The following ME1 variants were observed in gnomAD, a reference collection of about 807,000 sequenced individuals.
ME1 encodes malic enzyme 1, also known as NADP-dependent malic enzyme.
ME1 carries 74 observed loss-of-function variants against 66.4 expected under a neutral mutation model. The ratio of observed to expected loss-of-function variants is 1.11; its 90% CI spans 0.92 to 1.35. The LOEUF (loss-of-function observed/expected upper bound fraction) is 1.35. Among genes scored for constraint, ME1 ranks in the 40% most tolerant of loss-of-function variants. ME1 has a pLI of 0.00. For missense variants in ME1, 750 were observed against 694.1 expected, an observed-to-expected ratio of 1.08 and a Z score of -0.90; for synonymous variants, 251 against 235.6, an observed-to-expected ratio of 1.07 and a Z score of -0.60.
intron 1 of ME1, among the ~76,000 whole-genome samples, chr6:83,424,289 T>G (rs944280580): frequency 1.3e-5 from 2 of 152,162 alleles, no homozygotes; most frequent in African/African-American, 2.4e-5. Context: ...TTAAGTTGAC[T>G]GTGAAAAGTT....
chr6:83,229,918 G>A (rs1435750196), intron 9 of ME1, among the ~76,000 whole-genome samples: 1 of 152,080 alleles, frequency 6.6e-6, no homozygotes, highest in Non-Finnish European at 1.5e-5. Context: ...GAACTCCTGG[G>A]GTCAAGGGAT....
At chr6:83,305,611 G>C (rs1256869572) in intron 6 of ME1, among the ~76,000 whole-genome samples, 2 of 152,142 alleles carry the variant, frequency 1.3e-5, no homozygotes, top group African/African-American at 2.4e-5. Context: ...GAGAATGTGG[G>C]TGCAGGAGAG....
At position 83,315,408 on chromosome 6, in the gene ME1, T is replaced by A; in HGVS notation, c.606A>T (p.Leu202Phe). 1 of 1,551,896 alleles carries A rather than the reference T, an allele frequency of 6.4e-7. No homozygotes were observed. The highest frequency in any genetic ancestry group is 8.8e-7 in the Non-Finnish European group (1 of 1,136,278). The stretch of plus-strand genomic sequence containing the variant: ...GTCCAATGTAGAGTGGATCTTTAAG[T>A]AACTCCTATTAAAAAAAGTTACCAT... Reference protein sequence around the residue: ...ILDVGTENEELLKDPLYIGLR... With the variant: ...ILDVGTENEEFLKDPLYIGLR... Residue 202 changes from leucine (L) to phenylalanine (F), a missense_variant, in exon 6 of 14, where the codon TTA (leucine) becomes TTT (phenylalanine). Transcript: ENST00000369705.
At chr6:83,384,033 A>G (rs1293590961) in intron 3 of ME1, among the ~76,000 whole-genome samples, 1 of 151,816 alleles carries the variant, frequency 6.6e-6, no homozygotes, top group Non-Finnish European at 1.5e-5. Flanking sequence ...GTAGTATTCT[A>G]TGTGTATACG....
intron 13 of ME1, among the ~76,000 whole-genome samples, chr6:83,214,281 A>G (rs115028523): frequency 1.2e-3 from 184 of 152,258 alleles, no homozygotes; most frequent in Middle Eastern, 3.4e-3. Context: ...CCTTCTCCCA[A>G]TGAAATCTTC....
At chr6:83,225,773 T>C (rs1160616822) in intron 11 of ME1, among the ~76,000 whole-genome samples, 4 of 149,226 alleles carry the variant, frequency 2.7e-5, no homozygotes. Context: ...TATAAAGGTT[T>C]TGGAAAATTA....
At chr6:83,427,705 A>G (rs1206532265) in intron 1 of ME1, among the ~76,000 whole-genome samples, 2 of 152,200 alleles carry the variant, frequency 1.3e-5, no homozygotes, top group African/African-American at 4.8e-5. Context: ...CAATCAAAGA[A>G]ATAAGAAAAA....
chr6:83,427,829 A>G (rs1231609070), intron 1 of ME1, among the ~76,000 whole-genome samples: 2 of 152,138 alleles, frequency 1.3e-5, no homozygotes, highest in South Asian at 2.1e-4. Flanking sequence ...CGTGGCCAAC[A>G]TGACCAAACC....
chr6:83,300,918 C>T (rs1350452152), intron 6 of ME1, among the ~76,000 whole-genome samples: 1 of 152,004 alleles, frequency 6.6e-6, no homozygotes, highest in Non-Finnish European at 1.5e-5. Context: ...AAGCTGGAAA[C>T]CATCATTCTC....
intron 13 of ME1, among the ~76,000 whole-genome samples, chr6:83,215,853 C>A (rs751841677): frequency 6.6e-6 from 1 of 152,216 alleles, no homozygotes; most frequent in Non-Finnish European, 1.5e-5. Flanking sequence ...ACAGTTACTA[C>A]ATAACCGTGG....
chr6:83,375,544 G>T (rs372880071), intron 3 of ME1, among the ~76,000 whole-genome samples: 2 of 152,146 alleles, frequency 1.3e-5, no homozygotes, highest in African/African-American at 4.8e-5. Context: ...TGCAAACAGA[G>T]ACAGTTTGAC....
At chr6:83,351,606 CA>C (rs922815157) in intron 4 of ME1, among the ~76,000 whole-genome samples, 2 of 152,078 alleles carry the variant, frequency 1.3e-5, no homozygotes, top group African/African-American at 4.8e-5. Context: ...AGAATGCTAC[CA>C]AATGTCAAGT....
intron 1 of ME1, among the ~76,000 whole-genome samples, chr6:83,417,273 T>C (rs1183982126): frequency 1.3e-5 from 2 of 152,180 alleles, no homozygotes; most frequent in East Asian, 3.8e-4. Context: ...CTCAAATTCC[T>C]GTCCTTTGTC....
intron 4 of ME1, among the ~76,000 whole-genome samples, chr6:83,347,823 A>G (rs6454322): frequency 0.32 from 48,787 of 152,026 alleles, 8,200 homozygotes; most frequent in Middle Eastern, 0.5. Context: ...AGTATATTCC[A>G]TCTATTCCTC....
intron 11 of ME1, among the ~76,000 whole-genome samples, chr6:83,227,082 AT>A (rs943400878): frequency 2.6e-5 from 4 of 151,896 alleles, no homozygotes; most frequent in Non-Finnish European, 5.9e-5. Context: ...TAAATCTTAG[AT>A]ATCTATTTCC....
chr6:83,347,398 T>C (rs1404909922), intron 4 of ME1, among the ~76,000 whole-genome samples: 1 of 152,218 alleles, frequency 6.6e-6, no homozygotes, highest in Non-Finnish European at 1.5e-5. Flanking sequence ...AAAACCAATC[T>C]TATGAAACAC....
intron 6 of ME1, among the ~76,000 whole-genome samples, chr6:83,284,143 G>A (rs867504472): frequency 6.6e-6 from 1 of 152,048 alleles, no homozygotes; most frequent in South Asian, 2.1e-4. Context: ...AGAGAAAATG[G>A]ATAAATTCCT....
chr6:83,213,034 A>AT (rs1159191694), intron 13 of ME1, among the ~76,000 whole-genome samples: 1 of 134,832 alleles, frequency 7.4e-6, no homozygotes, highest in African/African-American at 3.1e-5. Context: ...AATTCACACC[A>AT]GTTTTTTTTT....
chr6:83,323,300 CA>C (rs903645615), intron 5 of ME1, among the ~76,000 whole-genome samples: 3 of 151,998 alleles, frequency 2.0e-5, no homozygotes, highest in Non-Finnish European at 4.4e-5. Context: ...ATTCAAACAA[CA>C]ATATTAACCT....
Sources: gnomAD v4.1 joint callset for allele counts (sites outside exome capture counted in the v4.1 genomes callset) on GRCh38, gnomAD v4.1.1 for gene constraint, MANE v1.5 for transcripts, NCBI Gene and HGNC (gene_info 2026-07-23, HGNC 2026-07-21) for gene names.